HPSE2: variants seen among roughly 807,000 people sequenced by gnomAD.
HPSE2 encodes inactive heparanase-2.
HPSE2 carries 38 observed loss-of-function variants against 60.5 expected under a neutral mutation model. The observed-to-expected ratio is 0.63, with a 90% CI of 0.48 to 0.82. The LOEUF (loss-of-function observed/expected upper bound fraction) is 0.82, where lower values mean the gene tolerates loss of function less well. Ranked by LOEUF, HPSE2 falls within the 40% of genes least tolerant of loss-of-function variation. The probability of loss-of-function intolerance (pLI) is 0.00; values close to 1 mark genes in which losing one functional copy is unlikely to be tolerated. For missense variants in HPSE2, 713 were observed against 740.4 expected, an observed-to-expected ratio of 0.96 and a Z score of 0.43; for synonymous variants, 295 against 293.2, an observed-to-expected ratio of 1.01 and a Z score of -0.06.
chr10:98,656,190 G>A (rs979253409), intron 6 of HPSE2, among the ~76,000 whole-genome samples: 2 of 151,734 alleles, frequency 1.3e-5, no homozygotes, highest in Non-Finnish European at 2.9e-5. Context: ...AGGTTTAAGC[G>A]ATTTTCCTTC....
intron 5 of HPSE2, among the ~76,000 whole-genome samples, chr10:98,698,082 G>GA (rs1198050405): frequency 2.1e-5 from 3 of 145,138 alleles, no homozygotes; most frequent in Admixed American, 7.0e-5. Context: ...ACAGATCAAC[G>GA]AGACAGAAAG....
At chr10:98,893,217 A>C (rs1953388018) in intron 3 of HPSE2, among the ~76,000 whole-genome samples, 1 of 151,982 alleles carries the variant, frequency 6.6e-6, no homozygotes. Context: ...ACAGGCATGC[A>C]CTACCACACC....
intron 4 of HPSE2, among the ~76,000 whole-genome samples, chr10:98,726,105 C>T (rs375148196): frequency 1.9e-4 from 29 of 152,180 alleles, no homozygotes; most frequent in Non-Finnish European, 2.2e-4. Context: ...GAACTAGAAA[C>T]ACCATTTGAC....
At chr10:98,460,439 C>A (rs1940238945) in intron 11 of HPSE2, among the ~76,000 whole-genome samples, 1 of 151,998 alleles carries the variant, frequency 6.6e-6, no homozygotes, top group South Asian at 2.1e-4. Context: ...CTAGCCTGAG[C>A]AACATAGCGA....
At chr10:99,102,989 A>T (rs1357778808) in intron 3 of HPSE2, among the ~76,000 whole-genome samples, 1 of 152,190 alleles carries the variant, frequency 6.6e-6, no homozygotes, top group East Asian at 1.9e-4. Flanking sequence ...ATCTCAAAAT[A>T]ATAAGAGCTA....
chr10:99,100,264 T>G (rs866250870), intron 3 of HPSE2, among the ~76,000 whole-genome samples: 1 of 152,098 alleles, frequency 6.6e-6, no homozygotes, highest in Non-Finnish European at 1.5e-5. Flanking sequence ...GATGAATGGC[T>G]TACTAGAATA....
At chr10:99,283,638 C>T in the HPSE2 span, among the ~76,000 whole-genome samples, 2 of 151,198 alleles carry the variant, frequency 1.3e-5, no homozygotes, top group African/African-American at 4.9e-5. Context: ...GAGAGAAGAC[C>T]CAAATTACTC....
intron 3 of HPSE2, among the ~76,000 whole-genome samples, chr10:98,943,042 G>A (rs1306090800): frequency 7.2e-6 from 1 of 138,862 alleles, no homozygotes; most frequent in Non-Finnish European, 1.5e-5. Context: ...GAGAACACAT[G>A]GACACAGGAA....
At position 98,913,835 on chromosome 10, in the gene HPSE2, T is replaced by C. The variant is rs139579937; in HGVS notation, c.611-169779A>G. On this transcript the variant is annotated intron_variant, in intron 3 of 11. Coordinates refer to ENST00000370552, the MANE Select transcript of HPSE2 (RefSeq NM_021828.5). ...CTTGAAAGGGAAACATTTAAGAACT[T>C]AAAAGGAAGGGGAAGATTCCTTAAT... Among the ~76,000 whole-genome samples, 1,016 of 152,260 alleles carry C rather than the reference T, an allele frequency of 6.7e-3. 8 individuals are homozygous for C. Among genetic ancestry groups the C allele is most frequent in the African/African-American group, 0.023 (955 of 41,536 alleles).
chr10:99,261,958 C>T, the HPSE2 span, among the ~76,000 whole-genome samples: 3 of 152,300 alleles, frequency 2.0e-5, no homozygotes, highest in East Asian at 3.9e-4. Context: ...CACTGGAAAT[C>T]GGACTGTCCA....
chr10:99,252,359 G>A, the HPSE2 span, among the ~76,000 whole-genome samples: 1 of 151,718 alleles, frequency 6.6e-6, no homozygotes. Flanking sequence ...CATCCAAATA[G>A]GGGAAAAAAA....
intron 9 of HPSE2, among the ~76,000 whole-genome samples, chr10:98,586,344 TTATC>T (rs1944940669): frequency 6.6e-6 from 1 of 152,178 alleles, no homozygotes; most frequent in Non-Finnish European, 1.5e-5. Flanking sequence ...CCATCCCTGT[TTATC>T]TAGTGAAATT....
intron 3 of HPSE2, among the ~76,000 whole-genome samples, chr10:98,926,120 A>AT (rs1395309902): frequency 2.0e-5 from 3 of 152,130 alleles, no homozygotes; most frequent in Non-Finnish European, 2.9e-5. Flanking sequence ...TATTATCTAT[A>AT]TCCCCCTGGT....
rs1940131198 is a variant in HPSE2, at chr10:98,458,244, C to G, written c.*1330G>C. 1 of 152,174 alleles carries G rather than the reference C, an allele frequency of 6.6e-6. No homozygotes were observed. Among genetic ancestry groups the G allele is most frequent in the Non-Finnish European group, 1.5e-5 (1 of 68,032 alleles). The allele number at this position is 152,174 out of a possible 1,614,324, so 9.4% of individuals were successfully genotyped here. ...TCACTTGGAACAGTGTCAAATCTCT[C>G]CTCCTTCTAACAAAAGCATCATTCC... On this transcript the variant is annotated 3_prime_UTR_variant, in exon 12 of 12. Coordinates refer to ENST00000370552, the MANE Select transcript of HPSE2 (RefSeq NM_021828.5).
chr10:98,770,228 GA>G (rs1316501064), intron 3 of HPSE2, among the ~76,000 whole-genome samples: 1 of 152,106 alleles, frequency 6.6e-6, no homozygotes, highest in African/African-American at 2.4e-5. Context: ...CATTTCTTTA[GA>G]TGGGCCAAAA....
At chr10:99,287,715 C>A in the HPSE2 span, among the ~76,000 whole-genome samples, 1 of 152,140 alleles carries the variant, frequency 6.6e-6, no homozygotes, top group African/African-American at 2.4e-5. Flanking sequence ...CACTTTAAAA[C>A]AAGGGAGTCT....
chr10:99,235,684 T>G lies in HPSE2; in HGVS notation c.119A>C (p.Gln40Pro), dbSNP rs201180054. The change falls in exon 1 of 12, where the codon CAG becomes CCG. Residue 40 changes from glutamine (Q) to proline (P), a missense_variant. Transcript: ENST00000370552. ...AGGCAAGGGTCTCCTGTCTCCAGCC[T>G]GGGAGGAAAGGGAGAGATGGAGCAA... is the stretch of plus-strand genomic sequence containing the variant. The part of the protein sequence containing the change: ...ALLLHLSLSS[Q>P]AGDRRPLPVD... The G allele has an allele frequency of 1.4e-4, 221 of 1,613,904 alleles. 1 individual carries two copies. In the East Asian group the frequency reaches 4.8e-3, roughly 35 times the overall value.
intron 9 of HPSE2, among the ~76,000 whole-genome samples, chr10:98,586,170 T>C (rs1944935448): frequency 6.6e-6 from 1 of 152,216 alleles, no homozygotes. Flanking sequence ...TCATATACAA[T>C]AGAATTGCCA....
At chr10:98,821,539 G>A (rs112817276) in intron 3 of HPSE2, among the ~76,000 whole-genome samples, 1 of 152,152 alleles carries the variant, frequency 6.6e-6, no homozygotes, top group Non-Finnish European at 1.5e-5. Flanking sequence ...AGTTGAAGAA[G>A]CTGCACTGCT....
Sources: allele counts gnomAD v4.1 joint callset (sites outside exome capture counted in the v4.1 genomes callset), GRCh38; gene constraint gnomAD v4.1.1; transcripts MANE v1.5; gene names NCBI Gene and HGNC (gene_info 2026-07-23, HGNC 2026-07-21).